The following CCNY variants were observed in gnomAD, a reference collection of about 807,000 sequenced individuals.
The protein encoded by CCNY is cyclin-Y.
CCNY carries 19 observed loss-of-function variants against 42.8 expected under a neutral mutation model. The observed-to-expected ratio is 0.44, with a 90% CI of 0.31 to 0.65. The LOEUF (loss-of-function observed/expected upper bound fraction) is 0.65. Ranked by LOEUF, CCNY falls within the 30% of genes least tolerant of loss-of-function variation. The pLI is 0.07. For synonymous variants in CCNY, 165 were observed against 162.7 expected, an observed-to-expected ratio of 1.01 and a Z score of -0.11; for missense variants, 370 against 437.3, an observed-to-expected ratio of 0.85 and a Z score of 1.37.
intron 1 of CCNY, among the ~76,000 whole-genome samples, chr10:35,396,571 C>A (rs755376902): frequency 6.6e-6 from 1 of 152,250 alleles, no homozygotes; most frequent in Non-Finnish European, 1.5e-5. Flanking sequence ...TTCTCTGTTG[C>A]GTGTTCTCGG....
chr10:35,266,538 C>T (rs1488386826), intron 3 of CCNY, among the ~76,000 whole-genome samples: 3 of 151,970 alleles, frequency 2.0e-5, no homozygotes, highest in Non-Finnish European at 4.4e-5. Flanking sequence ...CTATTACTTC[C>T]CCATATAGAG....
intron 2 of CCNY, among the ~76,000 whole-genome samples, chr10:35,250,190 T>A (rs1194940433): frequency 2.9e-5 from 3 of 103,946 alleles, no homozygotes; most frequent in African/African-American, 4.3e-5. Context: ...TGAGACTCCA[T>A]CTCAAAAAAA....
At position 35,384,521 on chromosome 10, in the gene CCNY, T is replaced by G. The variant is rs149573424; in HGVS notation, c.154+47314T>G. ...AAGGAAAGGCAGCATCTTGCATGAC[T>G]TAGCTTTCAGCTTAATATTTCTCCT... On this transcript the variant is annotated intron_variant, in intron 1 of 9. Transcript: ENST00000374704. Among the ~76,000 whole-genome samples, 974 of 152,382 alleles carry G rather than the reference T, an allele frequency of 6.4e-3. 10 individuals are homozygous for G. The highest frequency in any genetic ancestry group is 7.6e-3 in the Non-Finnish European group (518 of 68,040).
intron 4 of CCNY, among the ~76,000 whole-genome samples, chr10:35,517,322 GTAA>G (rs1840450745): frequency 6.6e-6 from 1 of 152,124 alleles, no homozygotes; most frequent in Non-Finnish European, 1.5e-5. Flanking sequence ...TAGCATTATG[GTAA>G]TAATGACCCT....
intron 1 of CCNY, among the ~76,000 whole-genome samples, chr10:35,348,002 C>T (rs532464339): frequency 6.6e-6 from 1 of 152,174 alleles, no homozygotes; most frequent in East Asian, 1.9e-4. Context: ...TCAAGGATTC[C>T]TTTCATTTAC....
intron 1 of CCNY, among the ~76,000 whole-genome samples, chr10:35,365,272 GAGA>G (rs1380218657): frequency 8.5e-5 from 13 of 152,220 alleles, no homozygotes; most frequent in African/African-American, 2.2e-4. Context: ...TACTCAGCTA[GAGA>G]AGAAGATGTA....
chr10:35,411,804 C>G (rs1837912503), intron 1 of CCNY, among the ~76,000 whole-genome samples: 1 of 152,188 alleles, frequency 6.6e-6, no homozygotes, highest in African/African-American at 2.4e-5. Context: ...AGTTCTAGCA[C>G]CACATTTGAA....
At chr10:35,284,649 C>T (rs1835334169) in intron 3 of CCNY, among the ~76,000 whole-genome samples, 1 of 151,836 alleles carries the variant, frequency 6.6e-6, no homozygotes, top group African/African-American at 2.4e-5. Context: ...CTTCCTTCCG[C>T]TTGGTTAGGT....
At chr10:35,341,273 G>A (rs188405574) in intron 1 of CCNY, among the ~76,000 whole-genome samples, 6 of 152,234 alleles carry the variant, frequency 3.9e-5, no homozygotes, top group Admixed American at 1.3e-4. Context: ...TGCCTGAAGT[G>A]TCCTCCATGT....
chr10:35,270,576 A>G (rs1344814648), intron 3 of CCNY, among the ~76,000 whole-genome samples: 2 of 152,168 alleles, frequency 1.3e-5, no homozygotes. Flanking sequence ...GAATTGGTGC[A>G]TGTGCTGGAA....
intron 3 of CCNY, among the ~76,000 whole-genome samples, chr10:35,270,717 CT>C (rs1264995511): frequency 3.0e-5 from 4 of 131,666 alleles, no homozygotes; most frequent in Non-Finnish European, 4.8e-5. Context: ...ATGGTCAGTT[CT>C]TTTTTTTTTC....
chr10:35,567,126 A>G (rs1415182972), intron 9 of CCNY, among the ~76,000 whole-genome samples: 1 of 152,246 alleles, frequency 6.6e-6, no homozygotes, highest in African/African-American at 2.4e-5. Context: ...ACTTCTCAGC[A>G]TGCGCTTTCA....
chr10:35,553,900 A>G (rs987821959), intron 8 of CCNY, among the ~76,000 whole-genome samples: 1 of 152,206 alleles, frequency 6.6e-6, no homozygotes, highest in Non-Finnish European at 1.5e-5. Context: ...CTGGGAATCC[A>G]GGAACTGAGT....
rs116899723 is a variant in CCNY at position 35,320,748 on chromosome 10, T to C, written c.-9+70122T>C. ...AATCTTTATGAAAGGCAAATCAAAA[T>C]AGTAAGTGACTTTAGCATAGGTTAA... On this transcript the variant is annotated intron_variant, in intron 3 of 11. Coordinates refer to the CCNY transcript ENST00000374706. 5.9e-5 allele frequency: 9 copies of C among 152,290 alleles called. No individual in the cohort carries two copies. In the East Asian group the frequency reaches 1.5e-3, roughly 26 times the overall value. The allele number at this position is 152,290 out of a possible 1,614,324, so 9.4% of individuals were successfully genotyped here. A position where few individuals can be genotyped will look rare whatever the true frequency, so the allele number is the denominator to read the frequency against.
At chr10:35,554,297 G>A (rs879921724) in intron 8 of CCNY, among the ~76,000 whole-genome samples, 2 of 152,152 alleles carry the variant, frequency 1.3e-5, no homozygotes, top group African/African-American at 4.8e-5. Flanking sequence ...AGCACTGCTT[G>A]TTTATGTTCT....
intron 1 of CCNY, among the ~76,000 whole-genome samples, chr10:35,417,728 T>C (rs866332596): frequency 7.9e-5 from 12 of 152,234 alleles, no homozygotes; most frequent in Non-Finnish European, 1.5e-4. Context: ...ACTTGCATAT[T>C]CTAATAATAA....
chr10:35,492,290 A>G (rs528858993), intron 2 of CCNY, among the ~76,000 whole-genome samples: 4 of 152,324 alleles, frequency 2.6e-5, no homozygotes, highest in Non-Finnish European at 2.9e-5. Flanking sequence ...CATCTGTGGC[A>G]TGCTCTGCCC....
intron 3 of CCNY, among the ~76,000 whole-genome samples, chr10:35,286,622 C>T (rs1221896079): frequency 6.7e-6 from 1 of 148,188 alleles, no homozygotes; most frequent in Non-Finnish European, 1.5e-5. Context: ...TCCCAAAGTG[C>T]TGGGATTACA....
intron 3 of CCNY, among the ~76,000 whole-genome samples, chr10:35,507,894 C>T (rs539797306): frequency 6.6e-6 from 1 of 152,116 alleles, no homozygotes; most frequent in South Asian, 2.1e-4. Context: ...TGGAGTGTTC[C>T]CTTGCCCTTT....
Sources: allele counts gnomAD v4.1 joint callset (sites outside exome capture counted in the v4.1 genomes callset), GRCh38; gene constraint gnomAD v4.1.1; transcripts MANE v1.5; gene names NCBI Gene and HGNC (gene_info 2026-07-23, HGNC 2026-07-21).